Variants in CTNND1 observed in about 807,000 individuals in gnomAD.
CTNND1 encodes catenin delta 1.
A neutral mutation model predicts 112.1 loss-of-function variants in CTNND1; 16 were observed. The ratio of observed to expected loss-of-function variants is 0.14; its 90% confidence interval spans 0.10 to 0.22. CTNND1 has a LOEUF of 0.22. Among genes scored for constraint, CTNND1 ranks in the 10% least tolerant of loss-of-function variants. CTNND1 has a pLI of 1.00. For synonymous variants in CTNND1, 420 were observed against 446.5 expected, an observed-to-expected ratio of 0.94 and a Z score of 0.75; for missense variants, 1,008 against 1,257.0, an observed-to-expected ratio of 0.80 and a Z score of 3.00.
rs139700209 is a variant in CTNND1, at chr11:57,797,061, A to G, written c.956+69A>G. 2.6e-4 allele frequency: 342 copies of G among 1,331,556 alleles called. 2 individuals carry two copies. The African/African-American group carries it at 4.6e-3, about 18-fold the overall frequency. The allele number at this position is 1,331,556 out of a possible 1,614,324, so 82.5% of individuals were successfully genotyped here. On this transcript the variant is annotated intron_variant, in intron 6 of 20. Coordinates refer to ENST00000399050, the MANE Select transcript of CTNND1 (RefSeq NM_001085458.2). ...GGGACAAGGGGTAGCTTTTCCTTCA[A>G]CTTCTAGGGGCTTTTTGGGATCAGA...
chr11:57,815,295 G>A lies in CTNND1; in HGVS notation c.2702-99G>A, dbSNP rs1565385559. 8.8e-6 allele frequency: 6 copies of A among 683,290 alleles called. No homozygotes were observed. The Admixed American group carries it at 8.9e-5, about 10-fold the overall frequency. 42.3% of individuals were successfully genotyped at this position (683,290 alleles called of 1,614,324 possible). On this transcript the variant is annotated intron_variant, in intron 18 of 20. Transcript: ENST00000399050. ...CTTTGTGGAGCATTTGACAAGCTCA[G>A]TTCCCAACAGTGATGCCTAATTACA...
At chr11:57,769,097 A>C (rs1951872929) in intron 1 of CTNND1, among the ~76,000 whole-genome samples, 2 of 151,686 alleles carry the variant, frequency 1.3e-5, no homozygotes, top group Admixed American at 1.3e-4. Flanking sequence ...ACTTGAGGTC[A>C]GGAGTTTGAG....
Position 57,787,544 on chromosome 11 carries a change from C to G in CTNND1, c.-213-1493C>G, listed in dbSNP as rs190643849. 1.4e-4 allele frequency among the ~76,000 whole-genome samples: 22 copies of G among 152,318 alleles called. No individual in the cohort carries two copies. In the East Asian group the frequency reaches 3.7e-3, roughly 25 times the overall value. ...TTAGACCGGGCTAATTTCCTAACTCCTGGGAAGCAGCAATTTTTTTTCTTT... is the reference window on the plus strand; with the variant it reads ...TTAGACCGGGCTAATTTCCTAACTCGTGGGAAGCAGCAATTTTTTTTCTTT... On this transcript the variant is annotated intron_variant, in intron 1 of 20. Coordinates refer to ENST00000399050, the MANE Select transcript of CTNND1 (RefSeq NM_001085458.2).
Position 57,762,132 on chromosome 11 carries a change from A to T in CTNND1, c.-214+13A>T. The T allele has an allele frequency of 1.0e-6, 1 of 982,538 alleles. No individual in the cohort carries two copies. The highest frequency in any genetic ancestry group is 1.2e-6 in the Non-Finnish European group (1 of 827,280). 60.9% of individuals were successfully genotyped at this position (982,538 alleles called of 1,614,324 possible). A position where few individuals can be genotyped will look rare whatever the true frequency, so the allele number is the denominator to read the frequency against. On this transcript the variant is annotated intron_variant, in intron 1 of 20. Coordinates refer to ENST00000399050, the MANE Select transcript of CTNND1 (RefSeq NM_001085458.2). ...TTTTTGTCTTACGGTAACCGGAGGG[A>T]ATTAAAAAACGGGAGAGTCTGTTAT...
chr11:57,762,356 CTTTGAT>C (rs1950044575), intron 1 of CTNND1, among the ~76,000 whole-genome samples: 1 of 151,878 alleles, frequency 6.6e-6, no homozygotes, highest in African/African-American at 2.4e-5. Context: ...TTGGTGTGTT[CTTTGAT>C]TTTATTTATT....
intron 3 of CTNND1, among the ~76,000 whole-genome samples, chr11:57,792,449 G>A (rs1013850359): frequency 3.3e-5 from 5 of 152,194 alleles, no homozygotes; most frequent in Non-Finnish European, 7.4e-5. Flanking sequence ...GCGCACTCGC[G>A]CATGTGTGTG....
In CTNND1 at chr11:57,788,623, A is replaced by G. The variant is rs559190049; in HGVS notation, c.-213-414A>G. ...ACACAACTTTTGCATTGGTTTCTCAATGTCTTTGTGGGCATGCTGGGACTG... is the reference window on the plus strand; with the variant it reads ...ACACAACTTTTGCATTGGTTTCTCAGTGTCTTTGTGGGCATGCTGGGACTG... On this transcript the variant is annotated intron_variant, in intron 1 of 20. Coordinates refer to ENST00000399050, the MANE Select transcript of CTNND1 (RefSeq NM_001085458.2). The surrounding 1 kb of genome is among the most constrained non-coding windows in gnomAD (Gnocchi z 4.1). Among the ~76,000 whole-genome samples, 131 of 143,090 alleles carry G rather than the reference A, an allele frequency of 9.2e-4. No individual in the cohort carries two copies. The highest frequency in any genetic ancestry group is 1.6e-3 in the Non-Finnish European group (107 of 65,080). 93.9% of individuals were successfully genotyped at this position (143,090 alleles called of 152,430 possible).
At chr11:57,812,812 C>T (rs2063529349) in intron 17 of CTNND1, among the ~76,000 whole-genome samples, 1 of 152,108 alleles carries the variant, frequency 6.6e-6, no homozygotes, top group Non-Finnish European at 1.5e-5. Context: ...ACACTAGCCA[C>T]TTTGTTTAAT....
chr11:57,802,477 C>T (rs547302966), intron 7 of CTNND1, among the ~76,000 whole-genome samples: 1 of 152,296 alleles, frequency 6.6e-6, no homozygotes, highest in East Asian at 1.9e-4. Flanking sequence ...TCTTTTCTTC[C>T]TTAGCAGTAT....
intron 1 of CTNND1, among the ~76,000 whole-genome samples, chr11:57,770,495 T>A (rs1952300701): frequency 6.7e-6 from 1 of 148,780 alleles, no homozygotes; most frequent in East Asian, 2.0e-4. Flanking sequence ...TCTACTAAAA[T>A]TTCAAAAATT....
chr11:57,799,202 G>A (rs1466649617), intron 6 of CTNND1, among the ~76,000 whole-genome samples: 1 of 152,174 alleles, frequency 6.6e-6, no homozygotes, highest in Non-Finnish European at 1.5e-5. Flanking sequence ...TATTCCTACA[G>A]GAGCACCAGA....
At position 57,806,892 on chromosome 11, in the gene CTNND1, CCCGCCCTTTTT is replaced by C; in HGVS notation, c.1895-21_1895-11del. The C allele has an allele frequency of 6.4e-7, 1 of 1,569,978 alleles. No homozygotes were observed. The highest frequency in any genetic ancestry group is 8.7e-7 in the Non-Finnish European group (1 of 1,154,768). ...TTTTTTAAACTGGCTTACCCCTTTT[CCCGCCCTTTTT>C]CATTTTTGTAGGGAAAAAACCTATA... On this transcript the variant is annotated splice_polypyrimidine_tract_variant and intron_variant, in intron 11 of 20. Coordinates refer to ENST00000399050, the MANE Select transcript of CTNND1 (RefSeq NM_001085458.2).
chr11:57,803,501 A>G (rs982955930), intron 7 of CTNND1, 120 bp from the exon 8 acceptor site: 1 of 655,432 alleles, frequency 1.5e-6, no homozygotes, highest in South Asian at 2.5e-5. Flanking sequence ...GAATATTACT[A>G]TAAGGTATTT....
chr11:57,812,114 C>T (rs2063431530), intron 17 of CTNND1, among the ~76,000 whole-genome samples: 1 of 152,168 alleles, frequency 6.6e-6, no homozygotes, highest in Admixed American at 6.5e-5. Flanking sequence ...ATGCTTCTTG[C>T]TGGTGGCTTA....
chr11:57,811,458 C>A lies in CTNND1; in HGVS notation c.2610C>A (p.Leu870=). Residue 870 remains leucine (L), a synonymous_variant, in exon 17 of 21, where the codon CTC becomes CTA. Transcript: ENST00000399050. ...GTCATTCATATGATGATAGTACTCT[C>A]CCTCTCATTGACCGGAACCAAAAAT... ...QSSHSYDDST[L]PLIDRNQKSD... 2 of 1,613,390 alleles carry A rather than the reference C, an allele frequency of 1.2e-6. No individual in the cohort carries two copies. The highest frequency in any genetic ancestry group is 1.7e-6 in the Non-Finnish European group (2 of 1,179,680).
intron 12 of CTNND1, among the ~76,000 whole-genome samples, chr11:57,807,736 C>T (rs551375690): frequency 3.3e-5 from 5 of 150,242 alleles, no homozygotes; most frequent in South Asian, 4.2e-4. Context: ...AAATTGTAAA[C>T]GTTTAATCTA....
At chr11:57,800,587 A>G (rs901119937) in intron 6 of CTNND1, among the ~76,000 whole-genome samples, 5 of 152,186 alleles carry the variant, frequency 3.3e-5, no homozygotes, top group Non-Finnish European at 7.3e-5. Context: ...TGTTATTTTA[A>G]GACCATCTTG....
chr11:57,791,145 C>G (rs919505514), intron 2 of CTNND1, among the ~76,000 whole-genome samples: 2 of 152,088 alleles, frequency 1.3e-5, no homozygotes, highest in Non-Finnish European at 2.9e-5. Context: ...AGTGTAGAGA[C>G]TTAGATTTAA....
chr11:57,815,852 C>T (rs2063907769), intron 19 of CTNND1, 63 bp from the exon 20 acceptor site: 8 of 1,404,444 alleles, frequency 5.7e-6, no homozygotes, highest in Non-Finnish European at 7.9e-6. Context: ...GTTTCCCTAG[C>T]TCTGGCACAC....
Sources: gnomAD v4.1 joint callset for allele counts (sites outside exome capture counted in the v4.1 genomes callset) on GRCh38, gnomAD v4.1.1 for gene constraint, Gnocchi (gnomAD v3.1) non-coding constraint, MANE v1.5 for transcripts, NCBI Gene and HGNC (gene_info 2026-07-23, HGNC 2026-07-21) for gene names.